The following DGKD variants were observed in gnomAD, a reference collection of about 807,000 sequenced individuals.
DGKD encodes the protein DAG kinase delta.
DGKD carries 68 observed loss-of-function variants against 154.4 expected under a neutral mutation model. The observed-to-expected ratio is 0.44, with a 90% confidence interval of 0.36 to 0.54. The LOEUF (loss-of-function observed/expected upper bound fraction) is 0.54, where lower values mean the gene tolerates loss of function less well. Ranked by LOEUF, DGKD falls within the 20% of genes least tolerant of loss-of-function variation. The pLI is 0.00. For synonymous variants in DGKD, 693 were observed against 638.0 expected (o/e 1.09, Z -1.30); for missense variants, 1,343 against 1,593.6 (o/e 0.84, Z 2.68).
rs1232274024 is a variant in DGKD, at chr2:233,469,706, A to C, written c.*246A>C. 2 of 515,604 alleles carry C rather than the reference A, an allele frequency of 3.9e-6. No individual in the cohort carries two copies. The highest frequency in any genetic ancestry group is 3.5e-6 in the Non-Finnish European group (1 of 286,288). The allele number at this position is 515,604 out of a possible 1,614,324, so 31.9% of individuals were successfully genotyped here. On this transcript the variant is annotated 3_prime_UTR_variant, in exon 30 of 30. Transcript: ENST00000264057. ...TGAAACAACACTTTCTCCAGCTCAGAGTCACCTGGGGCACATGTGTCACGG... is the reference window on the plus strand; with the variant it reads ...TGAAACAACACTTTCTCCAGCTCAGCGTCACCTGGGGCACATGTGTCACGG...
intron 1 of DGKD, among the ~76,000 whole-genome samples, chr2:233,384,629 G>A (rs1395510188): frequency 2.6e-5 from 4 of 151,942 alleles, no homozygotes; most frequent in African/African-American, 7.3e-5. Flanking sequence ...CCTTCGCCTC[G>A]GTCGATTCTC....
In DGKD at chr2:233,406,059, T is replaced by G. The variant is rs189117989; in HGVS notation, c.348+15576T>G. 4.0e-5 allele frequency among the ~76,000 whole-genome samples: 6 copies of G among 149,282 alleles called. No individual in the cohort carries two copies. The East Asian group carries it at 1.2e-3, about 29-fold the overall frequency. On this transcript the variant is annotated intron_variant, in intron 3 of 29. Coordinates refer to ENST00000264057, the MANE Select transcript of DGKD (RefSeq NM_152879.3). Reference sequence around the variant, plus strand: ...GGCTGGGGTCCTAGGAGAGACTCTGTGACTTGCTTTTCCCAGCTCCTGGTA... The same window carrying G: ...GGCTGGGGTCCTAGGAGAGACTCTGGGACTTGCTTTTCCCAGCTCCTGGTA...
intron 2 of DGKD, among the ~76,000 whole-genome samples, chr2:233,389,881 C>G (rs922343440): frequency 1.3e-5 from 2 of 152,152 alleles, no homozygotes; most frequent in East Asian, 3.8e-4. Context: ...TCCCTTGTTT[C>G]CTTTCACGGC....
chr2:233,376,734 C>T (rs924819573), intron 1 of DGKD, among the ~76,000 whole-genome samples: 1 of 152,122 alleles, frequency 6.6e-6, no homozygotes, highest in Admixed American at 6.5e-5. Flanking sequence ...GGGAATTGAA[C>T]AATGAGAACA....
chr2:233,366,065 G>A (rs1702013956), intron 1 of DGKD, among the ~76,000 whole-genome samples: 2 of 152,198 alleles, frequency 1.3e-5, no homozygotes, highest in Admixed American at 1.3e-4. Flanking sequence ...GCAAGAGGGA[G>A]CTTGGGGAAA....
chr2:233,442,753 A>G (rs1282935679), intron 10 of DGKD, among the ~76,000 whole-genome samples: 1 of 151,938 alleles, frequency 6.6e-6, no homozygotes, highest in Non-Finnish European at 1.5e-5. Context: ...TTACAGGCGC[A>G]CGCTACCACG....
intron 1 of DGKD, among the ~76,000 whole-genome samples, chr2:233,363,899 C>T (rs1398642974): frequency 2.0e-5 from 3 of 152,228 alleles, no homozygotes; most frequent in African/African-American, 7.2e-5. Context: ...AAAGTACACT[C>T]TGTGATGTTC....
At chr2:233,450,290 C>T (rs1349032788) in intron 16 of DGKD, among the ~76,000 whole-genome samples, 159 bp downstream of exon 16, 1 of 152,070 alleles carries the variant, frequency 6.6e-6, no homozygotes, top group Non-Finnish European at 1.5e-5. Context: ...CTGTGCATCT[C>T]CTGTGCGCGC....
At chr2:233,370,270 G>A (rs1317113035) in intron 1 of DGKD, among the ~76,000 whole-genome samples, 3 of 152,098 alleles carry the variant, frequency 2.0e-5, no homozygotes, top group East Asian at 3.8e-4. Flanking sequence ...GTGGAGTGCA[G>A]TGGCTCAATC....
chr2:233,403,386 C>T (rs567905212), intron 3 of DGKD, among the ~76,000 whole-genome samples: 7 of 151,752 alleles, frequency 4.6e-5, no homozygotes, highest in African/African-American at 9.7e-5. Context: ...ATGGTGAAAC[C>T]CTGTCTCTAC....
rs552429565 is a variant in DGKD at position 233,432,590 on chromosome 2, C to T, written c.349-1790C>T. Among the ~76,000 whole-genome samples the T allele has an allele frequency of 4.6e-5, 7 of 152,242 alleles. No homozygotes were observed. In the South Asian group the frequency reaches 6.2e-4, roughly 14 times the overall value. ...AGGAGAATGGCATGAACCCAAGAGG[C>T]GGAGTTTGCAGTGAGCGGAGATTGC... On this transcript the variant is annotated intron_variant, in intron 3 of 29. Coordinates refer to ENST00000264057, the MANE Select transcript of DGKD (RefSeq NM_152879.3).
chr2:233,429,496 C>A (rs1163888743), intron 3 of DGKD, among the ~76,000 whole-genome samples: 2 of 152,164 alleles, frequency 1.3e-5, no homozygotes, highest in Admixed American at 1.3e-4. Flanking sequence ...TGTCCAGAGA[C>A]TCCCTGAGTC....
rs1179406090 is a variant in DGKD at position 233,464,260 on chromosome 2, T to A, written c.3283T>A (p.Ser1095Thr). ...GGCAGACACCCCGTGGCTCTGCCAGTCCGCAGAGCCCGGCGACGAAGAGGT... is the reference window on the plus strand; with the variant it reads ...GGCAGACACCCCGTGGCTCTGCCAGACCGCAGAGCCCGGCGACGAAGAGGT... ...RLADTPWLCQ[S>T]AEPGDEESVM... Residue 1095 changes from serine (S) to threonine (T), a missense_variant, in exon 27 of 30, where the codon TCC becomes ACC. This residue lies in a region of DGKD where 429 missense variants were observed against 496.3 expected (regional missense o/e 0.86). Transcript: ENST00000264057. The A allele has an allele frequency of 6.2e-7, 1 of 1,613,548 alleles. No individual in the cohort carries two copies. Among genetic ancestry groups the A allele is most frequent in the Non-Finnish European group, 8.5e-7 (1 of 1,180,000 alleles).
chr2:233,362,350 A>C (rs1164504450), intron 1 of DGKD, among the ~76,000 whole-genome samples: 3 of 152,190 alleles, frequency 2.0e-5, no homozygotes, highest in Admixed American at 2.0e-4. Flanking sequence ...AGGAGACACA[A>C]TATTTGAAAA....
Position 233,400,613 on chromosome 2 carries a change from C to T in DGKD, c.348+10130C>T, listed in dbSNP as rs116459493. Reference sequence around the variant, plus strand: ...GGTGGGATATAGTTTGAGTCCATCTCGGGTGCTGGTTTTATGAAGCACACA... The same window carrying T: ...GGTGGGATATAGTTTGAGTCCATCTTGGGTGCTGGTTTTATGAAGCACACA... On this transcript the variant is annotated intron_variant, in intron 3 of 29. Coordinates refer to ENST00000264057, the MANE Select transcript of DGKD (RefSeq NM_152879.3). Among the ~76,000 whole-genome samples, 510 of 152,284 alleles carry T rather than the reference C, an allele frequency of 3.3e-3. 4 individuals carry two copies. The highest frequency in any genetic ancestry group is 0.012 in the African/African-American group (479 of 41,556).
In DGKD at chr2:233,438,037, C is replaced by T. The variant is rs1409782812; in HGVS notation, c.923-180C>T. 6.6e-6 allele frequency among the ~76,000 whole-genome samples: 1 copy of T among 152,176 alleles called. No homozygotes were observed. The highest frequency in any genetic ancestry group is 1.5e-5 in the Non-Finnish European group (1 of 68,024). On this transcript the variant is annotated intron_variant, in intron 8 of 29. Coordinates refer to ENST00000264057, the MANE Select transcript of DGKD (RefSeq NM_152879.3). This position sits in a 1 kb window ranked among gnomAD's most constrained non-coding sequence, Gnocchi z 4.1. Reference sequence around the variant, plus strand: ...ATGTGGAGGTCAGATGGATGGGGCTCCCGGCCTCACACATGGAGACCGGCT... The same window carrying T: ...ATGTGGAGGTCAGATGGATGGGGCTTCCGGCCTCACACATGGAGACCGGCT...
intron 1 of DGKD, among the ~76,000 whole-genome samples, chr2:233,355,876 A>G (rs1335294150): frequency 2.0e-5 from 3 of 152,220 alleles, no homozygotes; most frequent in Non-Finnish European, 1.5e-5. Context: ...GTTGGATGCT[A>G]TCATCTCCGT....
chr2:233,367,819 A>G (rs1402796306), intron 1 of DGKD, among the ~76,000 whole-genome samples: 1 of 129,138 alleles, frequency 7.7e-6, no homozygotes, highest in Non-Finnish European at 1.7e-5. Context: ...TGGTTTACAG[A>G]TTTCTAGGTC....
intron 7 of DGKD, among the ~76,000 whole-genome samples, 178 bp downstream of exon 7, chr2:233,436,619 G>A (rs997812833): frequency 6.6e-6 from 1 of 152,252 alleles, no homozygotes; most frequent in African/African-American, 2.4e-5. Flanking sequence ...ATGTTTTGGG[G>A]TATTTCTTCC....
Sources: gnomAD v4.1 joint callset for allele counts (sites outside exome capture counted in the v4.1 genomes callset) on GRCh38, gnomAD v4.1.1 for gene constraint, gnomAD v4.1.1 regional missense constraint, Gnocchi (gnomAD v3.1) non-coding constraint, MANE v1.5 for transcripts, NCBI Gene and HGNC (gene_info 2026-07-23, HGNC 2026-07-21) for gene names.